GALNT13: variants seen among roughly 807,000 people sequenced by gnomAD.
The protein encoded by GALNT13 is polypeptide N-acetylgalactosaminyltransferase 13, also known as UDP-GalNAc:polypeptide N-acetylgalactosaminyltransferase 13.
Under a neutral mutation model 64.2 loss-of-function variants are expected in GALNT13, and 28 were observed. The ratio of observed to expected loss-of-function variants is 0.44; its 90% CI spans 0.32 to 0.60. The LOEUF is 0.60. GALNT13 is among the 20% of genes least tolerant of loss of function. The pLI, the probability that GALNT13 is intolerant of heterozygous loss-of-function variation, is 0.05. For missense variants in GALNT13, 577 were observed against 669.8 expected (o/e 0.86, Z 1.53); for synonymous variants, 214 against 224.6 (o/e 0.95, Z 0.42).
chr2:154,412,036 G>C (rs1699818732), intron 11 of GALNT13, among the ~76,000 whole-genome samples: 1 of 151,538 alleles, frequency 6.6e-6, no homozygotes. Context: ...CCCTTTACTT[G>C]TTATTTCTAT....
At chr2:153,446,789 AT>A in the GALNT13 span, 1 of 152,068 alleles carries the variant, frequency 6.6e-6, no homozygotes, top group African/African-American at 2.4e-5. Context: ...TGATTAGCAT[AT>A]TTTTTCTTCT....
the GALNT13 span, among the ~76,000 whole-genome samples, chr2:153,176,446 G>T: frequency 6.6e-6 from 1 of 152,028 alleles, no homozygotes; most frequent in Non-Finnish European, 1.5e-5. Context: ...ACGTTAAAGA[G>T]AATAAAAAGG....
chr2:154,411,051 C>T (rs911541440), intron 11 of GALNT13, among the ~76,000 whole-genome samples: 5 of 151,746 alleles, frequency 3.3e-5, no homozygotes, highest in African/African-American at 1.2e-4. Context: ...GAATACTAGG[C>T]AAGTAAATAG....
chr2:153,691,046 C>T, the GALNT13 span, among the ~76,000 whole-genome samples: 2 of 152,080 alleles, frequency 1.3e-5, no homozygotes, highest in African/African-American at 4.8e-5. Flanking sequence ...CAGCCCTGAT[C>T]CAGCTCAATC....
the GALNT13 span, among the ~76,000 whole-genome samples, chr2:153,250,258 A>T: frequency 6.6e-6 from 1 of 152,376 alleles, no homozygotes; most frequent in East Asian, 1.9e-4. Flanking sequence ...GAAGACATTT[A>T]TGTGGGCAAC....
intron 12 of GALNT13, among the ~76,000 whole-genome samples, chr2:154,449,362 T>A (rs1701754989): frequency 1.4e-5 from 2 of 146,744 alleles, no homozygotes; most frequent in African/African-American, 5.0e-5. Flanking sequence ...GCTGTTCCTC[T>A]ACCATTTTTA....
At chr2:154,000,143 A>G (rs1695803699) in intron 3 of GALNT13, among the ~76,000 whole-genome samples, 1 of 151,342 alleles carries the variant, frequency 6.6e-6, no homozygotes, top group African/African-American at 2.4e-5. Flanking sequence ...ATAAGTATCT[A>G]TTATAATTAT....
the GALNT13 span, among the ~76,000 whole-genome samples, chr2:153,823,866 C>T: frequency 6.6e-6 from 1 of 152,070 alleles, no homozygotes; most frequent in Non-Finnish European, 1.5e-5. Flanking sequence ...ACAAACTATG[C>T]TCCCAACAAG....
intron 4 of GALNT13, among the ~76,000 whole-genome samples, chr2:154,214,529 G>T (rs1687941686): frequency 6.6e-6 from 1 of 152,050 alleles, no homozygotes; most frequent in African/African-American, 2.4e-5. Context: ...ATCCCCACGT[G>T]TTAAGGGTGG....
At chr2:153,250,431 G>A in the GALNT13 span, among the ~76,000 whole-genome samples, 3 of 152,316 alleles carry the variant, frequency 2.0e-5, no homozygotes, top group African/African-American at 7.2e-5. Flanking sequence ...TACATTGTTG[G>A]TGGGAGTGTA....
chr2:154,139,589 A>G (rs1236693693), intron 3 of GALNT13, among the ~76,000 whole-genome samples: 2 of 150,480 alleles, frequency 1.3e-5, no homozygotes, highest in Non-Finnish European at 1.5e-5. Flanking sequence ...TCTTATTACT[A>G]TATATTAGCA....
the GALNT13 span, among the ~76,000 whole-genome samples, chr2:153,321,189 T>G: frequency 6.6e-6 from 1 of 152,224 alleles, no homozygotes; most frequent in Non-Finnish European, 1.5e-5. Flanking sequence ...TGTCTTTACT[T>G]TTTAAAAAAC....
At chr2:153,377,399 TA>T in the GALNT13 span, among the ~76,000 whole-genome samples, 1 of 152,034 alleles carries the variant, frequency 6.6e-6, no homozygotes, top group Non-Finnish European at 1.5e-5. Context: ...GTGGTGGTGC[TA>T]GGGGGTGGGG....
At chr2:153,082,610 T>C in the GALNT13 span, among the ~76,000 whole-genome samples, 10 of 43,400 alleles carry the variant, frequency 2.3e-4, no homozygotes, top group African/African-American at 8.5e-4. Context: ...TATATATATA[T>C]ATATATATAC....
At chr2:154,372,563 C>A (rs993819237) in intron 9 of GALNT13, among the ~76,000 whole-genome samples, 1 of 152,102 alleles carries the variant, frequency 6.6e-6, no homozygotes, top group African/African-American at 2.4e-5. Context: ...AATCATGATA[C>A]TTCTATTAGG....
At chr2:153,366,144 G>A in the GALNT13 span, among the ~76,000 whole-genome samples, 5 of 152,066 alleles carry the variant, frequency 3.3e-5, no homozygotes, top group African/African-American at 7.2e-5. Context: ...CAAAGGAACA[G>A]GAAAACCAAA....
At chr2:153,673,796 T>C in the GALNT13 span, among the ~76,000 whole-genome samples, 1 of 152,288 alleles carries the variant, frequency 6.6e-6, no homozygotes, top group East Asian at 1.9e-4. Flanking sequence ...TGATTTTACA[T>C]TTAGAGAACC....
chr2:153,701,632 A>G, the GALNT13 span, among the ~76,000 whole-genome samples: 2 of 152,222 alleles, frequency 1.3e-5, no homozygotes, highest in African/African-American at 4.8e-5. Flanking sequence ...ACTTAAATTT[A>G]TGAGAAAAGA....
chr2:153,585,183 A>C, the GALNT13 span, among the ~76,000 whole-genome samples: 57 of 152,334 alleles, frequency 3.7e-4, no homozygotes, highest in African/African-American at 1.4e-3. Flanking sequence ...CAGAAAATCA[A>C]TTCAGGAAGT....
Sources: allele counts gnomAD v4.1 joint callset (sites outside exome capture counted in the v4.1 genomes callset), GRCh38; gene constraint gnomAD v4.1.1; transcripts MANE v1.5; gene names NCBI Gene and HGNC (gene_info 2026-07-23, HGNC 2026-07-21).